Variants in OR51B5 observed in about 807,000 individuals in gnomAD.
The protein encoded by OR51B5 is olfactory receptor 51B5.
For synonymous variants in OR51B5, 186 were observed against 144.8 expected, an observed-to-expected ratio of 1.28 and a Z score of -2.04; for missense variants, 456 against 374.6, an observed-to-expected ratio of 1.22 and a Z score of -1.79.
At chr11:5,477,571 G>T (rs437519) in intron 1 of OR51B5, among the ~76,000 whole-genome samples, 89,508 of 151,998 alleles carry the variant, frequency 0.59, 26,768 homozygotes, top group South Asian at 0.66. Context: ...CGCAGAAGAC[G>T]GGTGATTTCT....
At chr11:5,465,844 C>T (rs551149805) in intron 1 of OR51B5, among the ~76,000 whole-genome samples, 18 of 150,610 alleles carry the variant, frequency 1.2e-4, no homozygotes, top group Admixed American at 5.3e-4. Flanking sequence ...AGACCTAAAA[C>T]CATAAAAACC....
chr11:5,421,790 C>CA (rs369908296), intron 1 of OR51B5, among the ~76,000 whole-genome samples: 2 of 151,862 alleles, frequency 1.3e-5, no homozygotes, highest in Admixed American at 6.6e-5. Flanking sequence ...GGATTTATAT[C>CA]AAAAAAAGAT....
upstream of OR51B5, chr11:5,346,765 T>TTATAG (rs571891570): frequency 1.0e-3 from 159 of 152,264 alleles, no homozygotes; most frequent in African/African-American, 3.5e-3. Flanking sequence ...TCTGGAGAGC[T>TTATAG]TATAGAGGAG....
rs569030211 is a variant in OR51B5, at chr11:5,441,192, G to A, written n.84+64377C>T. The A allele has an allele frequency of 1.1e-5, 18 of 1,614,002 alleles. No homozygotes were observed. The African/African-American group carries it at 1.9e-4, about 17-fold the overall frequency. ...TATGCCTGACTCCATGAAGGAGAAA[G>A]TGTGGATGAAGAACATCTGGACCAG... is the stretch of plus-strand genomic sequence containing the variant. On this transcript the variant is annotated intron_variant and non_coding_transcript_variant, in intron 1 of 4. Coordinates refer to the OR51B5 transcript ENST00000415970.
At chr11:5,358,307 G>GTA (rs1849225755) in intron 1 of OR51B5, among the ~76,000 whole-genome samples, 1 of 151,730 alleles carries the variant, frequency 6.6e-6, no homozygotes, top group African/African-American at 2.4e-5. Context: ...ATGATAAAGG[G>GTA]TATATCACCA....
At chr11:5,404,517 C>T (rs1850030559) in intron 1 of OR51B5, among the ~76,000 whole-genome samples, 1 of 152,154 alleles carries the variant, frequency 6.6e-6, no homozygotes, top group South Asian at 2.1e-4. Context: ...AATCAGCACT[C>T]TGTAAAATGG....
intron 1 of OR51B5, among the ~76,000 whole-genome samples, chr11:5,467,393 A>T (rs914234317): frequency 4.6e-5 from 7 of 152,206 alleles, no homozygotes; most frequent in East Asian, 1.9e-4. Flanking sequence ...GCTTTATTTT[A>T]AAAAAGTTAT....
intron 1 of OR51B5, among the ~76,000 whole-genome samples, chr11:5,387,031 T>C (rs1849705340): frequency 6.6e-6 from 1 of 152,114 alleles, no homozygotes; most frequent in South Asian, 2.1e-4. Context: ...AACGGAGTTA[T>C]CTGGACTAGA....
At chr11:5,409,756 T>C (rs1850115330) in intron 1 of OR51B5, among the ~76,000 whole-genome samples, 1 of 152,134 alleles carries the variant, frequency 6.6e-6, no homozygotes, top group Admixed American at 6.5e-5. Context: ...CAAGAGATAA[T>C]GGTTGAGAAT....
intron 1 of OR51B5, among the ~76,000 whole-genome samples, chr11:5,426,986 G>C (rs944929832): frequency 8.7e-5 from 13 of 148,738 alleles, no homozygotes; most frequent in Admixed American, 1.3e-4. Context: ...TCTGCACGAT[G>C]AGACAACATT....
chr11:5,488,020 A>C (rs997399359), intron 1 of OR51B5, among the ~76,000 whole-genome samples: 8 of 148,620 alleles, frequency 5.4e-5, no homozygotes, highest in African/African-American at 1.7e-4. Flanking sequence ...GCAGAAAAAA[A>C]GTTAATGCAT....
chr11:5,441,602 AG>A, intron 1 of OR51B5: 2 of 997,394 alleles, frequency 2.0e-6, no homozygotes, highest in Non-Finnish European at 3.0e-6. Context: ...CTCCAACAAA[AG>A]GTCATAGATT....
intron 1 of OR51B5, chr11:5,422,382 T>C (rs752772366): frequency 1.2e-6 from 2 of 1,614,056 alleles, no homozygotes; most frequent in East Asian, 2.2e-5. Context: ...CACCAGCGCA[T>C]GTATCTGTTT....
At chr11:5,401,705 C>T (rs1334096778) in intron 1 of OR51B5, among the ~76,000 whole-genome samples, 1 of 152,112 alleles carries the variant, frequency 6.6e-6, no homozygotes, top group Non-Finnish European at 1.5e-5. Flanking sequence ...ATTTCTCTGT[C>T]TCCCCAGCAG....
upstream of OR51B5, among the ~76,000 whole-genome samples, chr11:5,346,593 G>C (rs10837870): frequency 0.3 from 45,242 of 151,794 alleles, 7,443 homozygotes; most frequent in Non-Finnish European, 0.38. Flanking sequence ...AGACATATGA[G>C]AGGGTCAATC....
chr11:5,373,620 C>G (rs542291841), intron 1 of OR51B5, among the ~76,000 whole-genome samples: 1 of 152,150 alleles, frequency 6.6e-6, no homozygotes, highest in Non-Finnish European at 1.5e-5. Flanking sequence ...TGGGCCACTC[C>G]CACCCGAATA....
intron 1 of OR51B5, among the ~76,000 whole-genome samples, chr11:5,374,464 G>A (rs959042865): frequency 5.9e-5 from 9 of 152,188 alleles, no homozygotes; most frequent in African/African-American, 9.7e-5. Flanking sequence ...CACCAGCAAC[G>A]GAACAAAGCT....
chr11:5,497,154 A>G (rs1457169581), intron 1 of OR51B5, among the ~76,000 whole-genome samples: 1 of 152,238 alleles, frequency 6.6e-6, no homozygotes, highest in African/African-American at 2.4e-5. Flanking sequence ...ATTGTAAATT[A>G]CACTTCACCT....
At chr11:5,385,729 T>C (rs1218741633) in intron 1 of OR51B5, among the ~76,000 whole-genome samples, 4 of 149,752 alleles carry the variant, frequency 2.7e-5, no homozygotes, top group African/African-American at 4.9e-5. Context: ...TGTACAAATA[T>C]CTAATATTTT....
Sources: allele counts gnomAD v4.1 joint callset (sites outside exome capture counted in the v4.1 genomes callset), GRCh38; gene constraint gnomAD v4.1.1; transcripts MANE v1.5; gene names NCBI Gene and HGNC (gene_info 2026-07-23, HGNC 2026-07-21).